The following CHRM2 variants were observed in gnomAD, a reference collection of about 807,000 sequenced individuals.
CHRM2 encodes the protein cholinergic receptor muscarinic 2, also known as muscarinic acetylcholine receptor M2.
CHRM2 carries 8 observed loss-of-function variants against 25.0 expected under a neutral mutation model. The ratio of observed to expected loss-of-function variants is 0.32; its 90% CI spans 0.19 to 0.58. The LOEUF (loss-of-function observed/expected upper bound fraction) is 0.58. CHRM2 is among the 20% of genes least tolerant of loss of function. The probability of loss-of-function intolerance (pLI) is 0.88; values close to 1 mark genes in which losing one functional copy is unlikely to be tolerated. For missense variants in CHRM2, 440 were observed against 567.1 expected (o/e 0.78, Z 2.28); for synonymous variants, 202 against 205.7 (o/e 0.98, Z 0.15).
At chr7:136,990,151 G>A (rs1803123285) in intron 2 of CHRM2, among the ~76,000 whole-genome samples, 2 of 152,028 alleles carry the variant, frequency 1.3e-5, no homozygotes, top group South Asian at 4.1e-4. Flanking sequence ...CACATGCACA[G>A]CCTCTACCAT....
At chr7:136,987,890 T>G (rs942591904) in intron 2 of CHRM2, among the ~76,000 whole-genome samples, 44 of 148,106 alleles carry the variant, frequency 3.0e-4, no homozygotes, top group African/African-American at 1.1e-3. Context: ...ATTTTCTTAT[T>G]TTATTACATA....
At chr7:136,972,752 G>A (rs866454940) in intron 2 of CHRM2, among the ~76,000 whole-genome samples, 2 of 144,022 alleles carry the variant, frequency 1.4e-5, no homozygotes, top group Non-Finnish European at 3.1e-5. Flanking sequence ...GTTAGGGATG[G>A]TGGCAGGTGA....
chr7:136,877,261 G>T (rs1037616618), intron 2 of CHRM2, among the ~76,000 whole-genome samples: 2 of 152,042 alleles, frequency 1.3e-5, no homozygotes, highest in African/African-American at 4.8e-5. Flanking sequence ...GGTTCAGGAA[G>T]ACAGCTATAG....
chr7:136,963,775 C>A (rs1177940343), intron 2 of CHRM2, among the ~76,000 whole-genome samples: 2 of 151,790 alleles, frequency 1.3e-5, no homozygotes, highest in East Asian at 3.9e-4. Context: ...TATGTGAAAC[C>A]TGGGCAATTG....
intron 2 of CHRM2, among the ~76,000 whole-genome samples, chr7:136,966,290 T>C (rs1801412573): frequency 1.3e-5 from 2 of 151,988 alleles, no homozygotes; most frequent in South Asian, 4.1e-4. Context: ...AGGTTTCACA[T>C]ATTCTTTGTC....
Position 136,885,568 on chromosome 7 carries a change from A to G in CHRM2, c.-125+16150A>G, listed in dbSNP as rs115118011. On this transcript the variant is annotated intron_variant, in intron 2 of 3. Transcript: ENST00000680005. ...TATAAGTGACAGATATTAATGCACTAGAAATGGTTATTTATTTATTCTTCA... is the reference window on the plus strand; with the variant it reads ...TATAAGTGACAGATATTAATGCACTGGAAATGGTTATTTATTTATTCTTCA... Among the ~76,000 whole-genome samples, 624 of 152,342 alleles carry G rather than the reference A, an allele frequency of 4.1e-3. 7 individuals are homozygous for G. Among genetic ancestry groups the G allele is most frequent in the African/African-American group, 0.014 (596 of 41,586 alleles).
At chr7:136,915,055 T>C (rs1415128699) in intron 2 of CHRM2, among the ~76,000 whole-genome samples, 1 of 151,870 alleles carries the variant, frequency 6.6e-6, no homozygotes, top group Non-Finnish European at 1.5e-5. Context: ...AGTTTTAGAT[T>C]ATGACTTTTA....
At chr7:136,969,180 G>A (rs1236694441) in intron 2 of CHRM2, among the ~76,000 whole-genome samples, 1 of 152,000 alleles carries the variant, frequency 6.6e-6, no homozygotes, top group Non-Finnish European at 1.5e-5. Flanking sequence ...TAGGATTAAT[G>A]TTTTTAAAAA....
chr7:137,012,400 T>C (rs1292459958), intron 3 of CHRM2, among the ~76,000 whole-genome samples: 1 of 152,044 alleles, frequency 6.6e-6, no homozygotes, highest in Non-Finnish European at 1.5e-5. Context: ...TTAAAATAAT[T>C]CAACTGATCT....
At chr7:136,997,398 G>A (rs561539347) in intron 3 of CHRM2, among the ~76,000 whole-genome samples, 1 of 152,226 alleles carries the variant, frequency 6.6e-6, no homozygotes, top group East Asian at 1.9e-4. Context: ...AAAGTGGATG[G>A]CCCTTGTGAG....
intron 2 of CHRM2, among the ~76,000 whole-genome samples, chr7:136,895,709 C>G (rs1046468958): frequency 6.6e-6 from 1 of 152,200 alleles, no homozygotes; most frequent in African/African-American, 2.4e-5. Flanking sequence ...CCCTACTCCT[C>G]GCTTCTAAAA....
chr7:136,884,345 A>G (rs1156986868), intron 2 of CHRM2, among the ~76,000 whole-genome samples: 1 of 152,162 alleles, frequency 6.6e-6, no homozygotes, highest in African/African-American at 2.4e-5. Flanking sequence ...AAAAAGACAA[A>G]TTAGAAAGCT....
At chr7:136,879,328 C>T (rs1350448732) in intron 2 of CHRM2, among the ~76,000 whole-genome samples, 1 of 151,958 alleles carries the variant, frequency 6.6e-6, no homozygotes, top group African/African-American at 2.4e-5. Context: ...CTCTGCAAAA[C>T]AATTGCCATT....
At chr7:136,871,893 G>A (rs1039324361) in intron 2 of CHRM2, 2 of 151,974 alleles carry the variant, frequency 1.3e-5, no homozygotes, top group Non-Finnish European at 2.9e-5. Context: ...TTAATGCCAG[G>A]TGAATTATTA....
chr7:136,965,679 C>T (rs1339690354), intron 2 of CHRM2, among the ~76,000 whole-genome samples: 2 of 151,982 alleles, frequency 1.3e-5, no homozygotes, highest in East Asian at 3.9e-4. Context: ...TTGAAAACAG[C>T]TTCATCTGAG....
chr7:136,961,229 T>G (rs1197950310), intron 2 of CHRM2, among the ~76,000 whole-genome samples: 1 of 152,210 alleles, frequency 6.6e-6, no homozygotes, highest in Non-Finnish European at 1.5e-5. Context: ...TTCAGTAAAC[T>G]ACATGAGGTA....
intron 2 of CHRM2, among the ~76,000 whole-genome samples, chr7:136,919,925 TC>T (rs1798334596): frequency 2.0e-5 from 3 of 152,166 alleles, no homozygotes; most frequent in Admixed American, 2.0e-4. Context: ...GATATTTATC[TC>T]ATGGTGACGT....
intron 3 of CHRM2, among the ~76,000 whole-genome samples, chr7:137,011,842 G>A (rs1284240095): frequency 6.6e-6 from 1 of 151,974 alleles, no homozygotes; most frequent in Non-Finnish European, 1.5e-5. Context: ...AGACCATCCT[G>A]CATGCAAGTG....
chr7:136,952,685 A>G (rs1563086691), intron 2 of CHRM2, among the ~76,000 whole-genome samples: 1 of 151,658 alleles, frequency 6.6e-6, no homozygotes, highest in Non-Finnish European at 1.5e-5. Flanking sequence ...TAAGCCTAAT[A>G]CCCATTAGTT....
Sources: allele counts gnomAD v4.1 joint callset (sites outside exome capture counted in the v4.1 genomes callset), GRCh38; gene constraint gnomAD v4.1.1; transcripts MANE v1.5; gene names NCBI Gene and HGNC (gene_info 2026-07-23, HGNC 2026-07-21).